Variants in RALGAPA2 observed in about 807,000 individuals in gnomAD.
RALGAPA2 encodes ral GTPase-activating protein subunit alpha-2.
In RALGAPA2, 139 loss-of-function variants were observed where a neutral mutation model predicts 230.4. The ratio of observed to expected loss-of-function variants is 0.60; its 90% confidence interval spans 0.53 to 0.69. The LOEUF (loss-of-function observed/expected upper bound fraction) is 0.69. RALGAPA2 is among the 30% of genes least tolerant of loss of function. The pLI is 0.00. For missense variants in RALGAPA2, 2,163 were observed against 2,276.0 expected (o/e 0.95, Z 1.01); for synonymous variants, 847 against 837.8 (o/e 1.01, Z -0.19).
chr20:20,623,144 G>A (rs773622691), intron 10 of RALGAPA2, among the ~76,000 whole-genome samples: 3 of 152,106 alleles, frequency 2.0e-5, no homozygotes, highest in Non-Finnish European at 4.4e-5. Flanking sequence ...TATGTTAAAC[G>A]TAATGAATAA....
At chr20:20,565,684 A>G (rs1183635750) in intron 23 of RALGAPA2, among the ~76,000 whole-genome samples, 1 of 152,218 alleles carries the variant, frequency 6.6e-6, no homozygotes, top group Non-Finnish European at 1.5e-5. Context: ...AAAAATGTGG[A>G]GTTAAATGAA....
chr20:20,450,983 G>GTACT (rs1457805815), intron 37 of RALGAPA2, among the ~76,000 whole-genome samples: 16 of 152,184 alleles, frequency 1.1e-4, no homozygotes, highest in African/African-American at 3.4e-4. Flanking sequence ...TAAAATAAAA[G>GTACT]TACTAGTAGG....
In RALGAPA2 at chr20:20,619,361, G is replaced by A; in HGVS notation, c.1455C>T (p.Tyr485=). ...CTCTGCTCATTGCACTTGTGAAGGA[G>A]TATGTGCGTCCCCAACTGGAAGATC... ...HKRSSSWGRT[Y]SFTSAMSRGC... The change falls in exon 12 of 40, where the codon TAC becomes TAT. Residue 485 remains tyrosine, a synonymous_variant. Coordinates refer to ENST00000202677, the MANE Select transcript of RALGAPA2 (RefSeq NM_020343.4). The A allele has an allele frequency of 6.2e-7, 1 of 1,611,670 alleles. No homozygotes were observed. The highest frequency in any genetic ancestry group is 1.1e-5 in the South Asian group (1 of 90,684).
chr20:20,535,626 T>C (rs1171211091), intron 26 of RALGAPA2, 119 bp downstream of exon 26: 1 of 1,337,820 alleles, frequency 7.5e-7, no homozygotes, highest in East Asian at 2.8e-5. Context: ...TTCCTAGACT[T>C]TTCAGTCTGT....
chr20:20,701,245 T>C (rs191510499), intron 1 of RALGAPA2, among the ~76,000 whole-genome samples: 1 of 152,238 alleles, frequency 6.6e-6, no homozygotes, highest in South Asian at 2.1e-4. Flanking sequence ...CCTATCTCTT[T>C]GGGGCAGATT....
At chr20:20,553,101 T>C (rs1033728910) in intron 23 of RALGAPA2, among the ~76,000 whole-genome samples, 3 of 152,204 alleles carry the variant, frequency 2.0e-5, no homozygotes, top group Non-Finnish European at 4.4e-5. Context: ...CTTTACATTA[T>C]GTGTTAAAAT....
intron 24 of RALGAPA2, among the ~76,000 whole-genome samples, chr20:20,542,516 A>G (rs188985398): frequency 9.2e-5 from 14 of 152,308 alleles, no homozygotes; most frequent in African/African-American, 3.4e-4. Context: ...ACTCTACTAC[A>G]AGGATATAGT....
intron 39 of RALGAPA2, among the ~76,000 whole-genome samples, chr20:20,394,357 C>A (rs1487221946): frequency 6.6e-6 from 1 of 152,170 alleles, no homozygotes; most frequent in Non-Finnish European, 1.5e-5. Flanking sequence ...GTCGGGCATA[C>A]AGAGAAGGCT....
intron 3 of RALGAPA2, among the ~76,000 whole-genome samples, chr20:20,657,616 G>A (rs1293664050): frequency 6.6e-6 from 1 of 152,144 alleles, no homozygotes; most frequent in Admixed American, 6.5e-5. Flanking sequence ...ATGGAAACCT[G>A]GTCCCAGTGA....
At position 20,520,997 on chromosome 20, in the gene RALGAPA2, G is replaced by A; in HGVS notation, c.4004C>T (p.Pro1335Leu). The change falls in exon 31 of 40, where the codon CCA becomes CTA. Residue 1335 changes from proline (P) to leucine (L), a missense_variant. Pro to Leu is a moderately conservative substitution (Grantham distance 98). Coordinates refer to ENST00000202677, the MANE Select transcript of RALGAPA2 (RefSeq NM_020343.4). The part of the protein sequence containing the change: ...LSSTDYDPFL[P>L]LANVKSSEPV... ...CTCAGAGCTCTTCACATTTGCCAGTGGCAGGAAGGGGTCATAATCCGTGGA... is the reference window on the plus strand; with the variant it reads ...CTCAGAGCTCTTCACATTTGCCAGTAGCAGGAAGGGGTCATAATCCGTGGA... 6.2e-7 allele frequency: 1 copy of A among 1,613,900 alleles called. No homozygotes were observed. Among genetic ancestry groups the A allele is most frequent in the Non-Finnish European group, 8.5e-7 (1 of 1,179,828 alleles).
chr20:20,593,183 G>A (rs1293013050), intron 16 of RALGAPA2, among the ~76,000 whole-genome samples: 10 of 152,232 alleles, frequency 6.6e-5, no homozygotes, highest in African/African-American at 1.9e-4. Context: ...GATTGCAGGC[G>A]TGGGCCATGG....
intron 12 of RALGAPA2, among the ~76,000 whole-genome samples, chr20:20,617,219 T>C (rs1290932272): frequency 2.0e-5 from 3 of 152,210 alleles, no homozygotes; most frequent in Non-Finnish European, 4.4e-5. Flanking sequence ...TTTTAAAGTA[T>C]TGTATCAAAA....
intron 1 of RALGAPA2, among the ~76,000 whole-genome samples, chr20:20,699,970 A>G (rs60594851): frequency 0.011 from 1,696 of 152,256 alleles, 30 homozygotes; most frequent in African/African-American, 0.039. Flanking sequence ...TACCCAAAGG[A>G]AAAATAAATC....
At chr20:20,482,463 G>A (rs977198561) in intron 36 of RALGAPA2, among the ~76,000 whole-genome samples, 1 of 152,114 alleles carries the variant, frequency 6.6e-6, no homozygotes, top group Non-Finnish European at 1.5e-5. Flanking sequence ...AGAGATTCAC[G>A]GTGGGAAGAG....
At chr20:20,538,127 G>A (rs1445320079) in intron 24 of RALGAPA2, among the ~76,000 whole-genome samples, 1 of 152,218 alleles carries the variant, frequency 6.6e-6, no homozygotes, top group Non-Finnish European at 1.5e-5. Flanking sequence ...ATTCAGTGAA[G>A]CACCTGCTAG....
At chr20:20,565,242 A>G (rs537442941) in intron 23 of RALGAPA2, among the ~76,000 whole-genome samples, 26 of 152,190 alleles carry the variant, frequency 1.7e-4, no homozygotes, top group Admixed American at 1.7e-3. Context: ...ATACTCACTT[A>G]TGTTTCACCT....
intron 37 of RALGAPA2, among the ~76,000 whole-genome samples, chr20:20,446,568 C>T (rs2060868189): frequency 6.6e-6 from 1 of 152,176 alleles, no homozygotes; most frequent in Non-Finnish European, 1.5e-5. Context: ...CTTGGCTTTG[C>T]AGGATTGCTG....
At chr20:20,622,166 T>C (rs1259965235) in intron 10 of RALGAPA2, among the ~76,000 whole-genome samples, 2 of 151,126 alleles carry the variant, frequency 1.3e-5, no homozygotes, top group Non-Finnish European at 2.9e-5. Context: ...ATATCTAGAA[T>C]GAACTATGAA....
At chr20:20,647,348 C>T (rs373888041) in intron 4 of RALGAPA2, among the ~76,000 whole-genome samples, 1 of 152,166 alleles carries the variant, frequency 6.6e-6, no homozygotes, top group East Asian at 1.9e-4. Flanking sequence ...TCCCTCTGGG[C>T]TAATGGTATG....
Sources: gnomAD v4.1 joint callset for allele counts (sites outside exome capture counted in the v4.1 genomes callset) on GRCh38, gnomAD v4.1.1 for gene constraint, MANE v1.5 for transcripts, NCBI Gene and HGNC (gene_info 2026-07-23, HGNC 2026-07-21) for gene names.